Variants in ZNF365 observed in about 807,000 individuals in gnomAD.
ZNF365 encodes zinc finger protein 365.
Under a neutral mutation model 35.0 loss-of-function variants are expected in ZNF365, and 22 were observed. The ratio of observed to expected loss-of-function variants is 0.63; its 90% CI spans 0.45 to 0.90. ZNF365 has a LOEUF of 0.90. ZNF365 is among the 40% of genes least tolerant of loss of function. The pLI, the probability that ZNF365 is intolerant of heterozygous loss-of-function variation, is 0.00. For synonymous variants in ZNF365, 188 were observed against 196.2 expected (o/e 0.96, Z 0.35); for missense variants, 448 against 500.3 (o/e 0.90, Z 1.00).
In ZNF365 at chr10:62,400,079, C is replaced by G; in HGVS notation, c.*290C>G. 2 of 1,145,184 alleles carry G rather than the reference C, an allele frequency of 1.7e-6. No homozygotes were observed. Among genetic ancestry groups the G allele is most frequent in the Non-Finnish European group, 2.1e-6 (2 of 930,286 alleles). 70.9% of individuals were successfully genotyped at this position (1,145,184 alleles called of 1,614,324 possible). A position where few individuals can be genotyped will look rare whatever the true frequency, so the allele number is the denominator to read the frequency against. ...AGTAACTGGCCCAGTCTCCAGTAATCTTGGCATCTGGGCTTCTATGCAGTG... is the reference window on the plus strand; with the variant it reads ...AGTAACTGGCCCAGTCTCCAGTAATGTTGGCATCTGGGCTTCTATGCAGTG... On this transcript the variant is annotated 3_prime_UTR_variant, in exon 5 of 5. Transcript: ENST00000395254.
At chr10:62,443,585 A>G (rs1294272070) in intron 3 of ZNF365, among the ~76,000 whole-genome samples, 1 of 152,154 alleles carries the variant, frequency 6.6e-6, no homozygotes, top group Non-Finnish European at 1.5e-5. Flanking sequence ...ATTAACTTCA[A>G]CCTGGGGAGT....
intron 1 of ZNF365, among the ~76,000 whole-genome samples, 200 bp downstream of exon 1, chr10:62,374,658 G>A (rs1589422287): frequency 6.6e-6 from 1 of 152,320 alleles, no homozygotes; most frequent in African/African-American, 2.4e-5. Flanking sequence ...GCGGAGAGGG[G>A]GCGGGGAGAG....
At chr10:62,376,013 T>A (rs1839318951) in intron 1 of ZNF365, among the ~76,000 whole-genome samples, 168 bp from the exon 2 acceptor site, 2 of 152,190 alleles carry the variant, frequency 1.3e-5, no homozygotes, top group African/African-American at 4.8e-5. Context: ...CAGAAATTGA[T>A]GTGGATGGAT....
chr10:62,381,016 C>T (rs1472218594), intron 2 of ZNF365, among the ~76,000 whole-genome samples: 1 of 152,160 alleles, frequency 6.6e-6, no homozygotes, highest in African/African-American at 2.4e-5. Context: ...TGCTTGCTGT[C>T]TTTCCCTAAG....
At chr10:62,397,556 G>A (rs1479235644) in intron 3 of ZNF365, among the ~76,000 whole-genome samples, 2 of 152,168 alleles carry the variant, frequency 1.3e-5, no homozygotes, top group Non-Finnish European at 1.5e-5. Flanking sequence ...CTATACACTG[G>A]ATGGTGACAT....
chr10:62,466,402 C>T (rs1475883726), intron 4 of ZNF365, among the ~76,000 whole-genome samples: 1 of 152,166 alleles, frequency 6.6e-6, no homozygotes, highest in Non-Finnish European at 1.5e-5. Flanking sequence ...CGAGACCCTG[C>T]CCCTGCTCAT....
At chr10:62,420,048 C>A (rs544260327) in intron 3 of ZNF365, among the ~76,000 whole-genome samples, 1 of 152,100 alleles carries the variant, frequency 6.6e-6, no homozygotes, top group South Asian at 2.1e-4. Context: ...CCTTTAAAAT[C>A]TTAATGTATT....
chr10:62,448,543 T>C (rs963148109), intron 3 of ZNF365, among the ~76,000 whole-genome samples: 1 of 152,176 alleles, frequency 6.6e-6, no homozygotes, highest in Non-Finnish European at 1.5e-5. Flanking sequence ...GCTGAAATGA[T>C]TTGGAGTGTT....
chr10:62,474,137 A>G (rs1564603979), intron 4 of ZNF365, among the ~76,000 whole-genome samples: 1 of 152,350 alleles, frequency 6.6e-6, no homozygotes, highest in South Asian at 2.1e-4. Context: ...CTCATGTTTC[A>G]TTGGCTAGAA....
At chr10:62,471,425 A>G (rs1237901460) in intron 4 of ZNF365, among the ~76,000 whole-genome samples, 1 of 151,886 alleles carries the variant, frequency 6.6e-6, no homozygotes, top group African/African-American at 2.4e-5. Context: ...AAATAGCATC[A>G]TTTACTTAAT....
Position 62,374,702 on chromosome 10 carries a change from C to T in ZNF365, c.-14+244C>T, listed in dbSNP as rs75735741. On this transcript the variant is annotated intron_variant, in intron 1 of 4. Coordinates refer to ENST00000395254, the MANE Select transcript of ZNF365 (RefSeq NM_014951.3). ...CCGGGGCAGGGTCATTGCCAGCCTGCCCTTCTCTGGCAGAGTCACTTAGGG... is the reference window on the plus strand; with the variant it reads ...CCGGGGCAGGGTCATTGCCAGCCTGTCCTTCTCTGGCAGAGTCACTTAGGG... Among the ~76,000 whole-genome samples, 750 of 152,322 alleles carry T rather than the reference C, an allele frequency of 4.9e-3. 1 individual carries two copies. Among genetic ancestry groups the T allele is most frequent in the Non-Finnish European group, 7.0e-3 (473 of 68,022 alleles).
intron 3 of ZNF365, among the ~76,000 whole-genome samples, chr10:62,443,291 T>G (rs1840531502): frequency 6.6e-6 from 1 of 152,226 alleles, no homozygotes; most frequent in African/African-American, 2.4e-5. Flanking sequence ...TATAATTAGT[T>G]ATTCCATTCC....
At chr10:62,439,892 A>C (rs187972959) in intron 3 of ZNF365, among the ~76,000 whole-genome samples, 1 of 152,336 alleles carries the variant, frequency 6.6e-6, no homozygotes, top group Admixed American at 6.5e-5. Context: ...CTCACTTTTA[A>C]TTTTGATACT....
rs143066147 is a variant in ZNF365 at position 62,395,203 on chromosome 10, C to T, written c.925-3537C>T. 8.5e-3 allele frequency among the ~76,000 whole-genome samples: 1,292 copies of T among 152,162 alleles called. 36 individuals are homozygous for T. The highest frequency in any genetic ancestry group is 0.062 in the Admixed American group (954 of 15,274). On this transcript the variant is annotated intron_variant, in intron 3 of 4. Coordinates refer to ENST00000395254, the MANE Select transcript of ZNF365 (RefSeq NM_014951.3). ...CTGAGTTATTCTTTGTCTCTATAGCCACAGATACCCTGGGCAGATTTGGCA... is the reference window on the plus strand; with the variant it reads ...CTGAGTTATTCTTTGTCTCTATAGCTACAGATACCCTGGGCAGATTTGGCA...
intron 3 of ZNF365, among the ~76,000 whole-genome samples, chr10:62,444,762 CTTTTATTTTA>C (rs546462539): frequency 1.1e-4 from 16 of 152,058 alleles, no homozygotes; most frequent in Admixed American, 8.5e-4. Context: ...GTCCCCAGTT[CTTTTATTTTA>C]TTTTATTTTA....
Position 62,400,276 on chromosome 10 carries a change from GA to G in ZNF365, c.*490del. 4.1e-6 allele frequency: 4 copies of G among 986,714 alleles called. No homozygotes were observed. The highest frequency in any genetic ancestry group is 4.8e-6 in the Non-Finnish European group (4 of 830,514). 61.1% of individuals were successfully genotyped at this position (986,714 alleles called of 1,614,324 possible). ...GTATAACCTTCCCCTCAGCTAATTT[GA>G]AAGCCTCCAAAATAAGGATTCCCAT... On this transcript the variant is annotated 3_prime_UTR_variant, in exon 5 of 5. Transcript: ENST00000395254.
At chr10:62,456,466 T>G (rs1243317110) in intron 3 of ZNF365, among the ~76,000 whole-genome samples, 2 of 152,228 alleles carry the variant, frequency 1.3e-5, no homozygotes, top group Admixed American at 6.5e-5. Context: ...TGAATTTATT[T>G]CTATCATTGG....
chr10:62,405,757 A>G (rs1292813828), downstream of ZNF365, among the ~76,000 whole-genome samples: 1 of 152,210 alleles, frequency 6.6e-6, no homozygotes, highest in East Asian at 1.9e-4. Context: ...GACATTTCAC[A>G]TTGGTTGTTT....
chr10:62,379,085 T>C (rs1839385991), intron 2 of ZNF365, among the ~76,000 whole-genome samples: 1 of 150,296 alleles, frequency 6.7e-6, no homozygotes. Flanking sequence ...TGCAATGGCA[T>C]GACGTCAGCT....
Sources: allele counts gnomAD v4.1 joint callset (sites outside exome capture counted in the v4.1 genomes callset), GRCh38; gene constraint gnomAD v4.1.1; transcripts MANE v1.5; gene names NCBI Gene and HGNC (gene_info 2026-07-23, HGNC 2026-07-21).